The following E2F7 variants were observed in gnomAD, a reference collection of about 807,000 sequenced individuals.
E2F7 encodes E2F transcription factor 7.
Under a neutral mutation model 81.1 loss-of-function variants are expected in E2F7, and 35 were observed. That is an observed-to-expected ratio of 0.43 (90% CI 0.33 to 0.57). E2F7 has a LOEUF of 0.57. E2F7 is among the 20% of genes least tolerant of loss of function. The probability of loss-of-function intolerance (pLI) is 0.04; values close to 1 mark genes in which losing one functional copy is unlikely to be tolerated. For missense variants in E2F7, 961 were observed against 1,093.7 expected, an observed-to-expected ratio of 0.88 and a Z score of 1.71; for synonymous variants, 416 against 416.2, an observed-to-expected ratio of 1.00 and a Z score of 0.01.
Position 77,046,307 on chromosome 12 carries a change from T to C in E2F7, c.560A>G (p.Tyr187Cys). The change falls in exon 5 of 13, where the codon TAT (tyrosine) becomes TGT (cysteine). Residue 187 changes from tyrosine (Y) to cysteine (C), a missense_variant. This residue lies in a region of E2F7 where 301 missense variants were observed against 405.0 expected (regional missense o/e 0.74). Transcript: ENST00000322886. The stretch of plus-strand genomic sequence containing the variant: ...CGACTCCAGCACATTTACAATGTCA[T>C]AGATGCGTCTCCTTTCCACACCTGT... ...VSLGVERRRI[Y>C]DIVNVLESLH... 6.2e-7 allele frequency: 1 copy of C among 1,613,658 alleles called. No homozygotes were observed. The highest frequency in any genetic ancestry group is 8.5e-7 in the Non-Finnish European group (1 of 1,179,654).
intron 3 of E2F7, among the ~76,000 whole-genome samples, chr12:77,053,779 A>G (rs57583799): frequency 0.35 from 53,326 of 152,060 alleles, 9,565 homozygotes; most frequent in African/African-American, 0.42. Flanking sequence ...AAATGAACCT[A>G]AAGGATGTAT....
intron 3 of E2F7, among the ~76,000 whole-genome samples, chr12:77,053,825 A>G (rs1281767347): frequency 6.6e-6 from 1 of 152,198 alleles, no homozygotes; most frequent in African/African-American, 2.4e-5. Context: ...AAGACTATAA[A>G]TACAAATTCA....
rs770316520 is a variant in E2F7, at chr12:77,050,715, G to A, written c.399C>T (p.Asp133=). ...QLDVVGDSAV[D]EFEKQRPSRK... ...TGCTTGGCCTTTGCTTTTCAAATTCGTCCACAGCACTGTCCCCAACAACAT... is the reference window on the plus strand; with the variant it reads ...TGCTTGGCCTTTGCTTTTCAAATTCATCCACAGCACTGTCCCCAACAACAT... Residue 133 remains aspartate (D), a synonymous_variant, in exon 4 of 13, where the codon GAC becomes GAT. Coordinates refer to ENST00000322886, the MANE Select transcript of E2F7 (RefSeq NM_203394.3). The A allele has an allele frequency of 5.6e-6, 9 of 1,613,568 alleles. No homozygotes were observed. Among genetic ancestry groups the A allele is most frequent in the Non-Finnish European group, 7.6e-6 (9 of 1,179,850 alleles).
chr12:77,043,115 C>A lies in E2F7; in HGVS notation c.1073G>T (p.Gly358Val). The change falls in exon 7 of 13, where the codon GGT becomes GTT. Residue 358 changes from glycine (G) to valine (V), a missense_variant. Gly to Val is a moderately radical substitution (Grantham distance 109). This residue lies in a region of E2F7 where 301 missense variants were observed against 405.0 expected (regional missense o/e 0.74). Coordinates refer to ENST00000322886, the MANE Select transcript of E2F7 (RefSeq NM_203394.3). Reference sequence around the variant, plus strand: ...GATCCACTTGAAGGCTGGTTTACGACCTCGCTCTTCTGTTACATGCACTTT... The same window carrying A: ...GATCCACTTGAAGGCTGGTTTACGAACTCGCTCTTCTGTTACATGCACTTT... ...IKKVHVTEER[G>V]RKPAFKWIGP... 1 of 1,614,170 alleles carries A rather than the reference C, an allele frequency of 6.2e-7. No individual in the cohort carries two copies. The highest frequency in any genetic ancestry group is 8.5e-7 in the Non-Finnish European group (1 of 1,180,010).
In E2F7 at chr12:77,030,056, T is replaced by C; in HGVS notation, c.1659A>G (p.Ser553=). ...GCAGACTTCCATACAGCATGAACAG[T>C]GAGGCAGAGGGCACATACACTAGAG... ...GQPLVYVPSA[S]LFMLYGSLQE... is the part of the protein sequence containing the mutation. The change falls in exon 10 of 13, where the codon TCA becomes TCG. Residue 553 remains serine (S), a synonymous_variant. Transcript: ENST00000322886. 1 of 1,613,998 alleles carries C rather than the reference T, an allele frequency of 6.2e-7. No individual in the cohort carries two copies. The highest frequency in any genetic ancestry group is 2.2e-5 in the East Asian group (1 of 44,880).
chr12:77,055,370 T>TA (rs1158109219), intron 3 of E2F7, among the ~76,000 whole-genome samples: 340 of 150,112 alleles, frequency 2.3e-3, no homozygotes, highest in African/African-American at 7.4e-3. Flanking sequence ...TTTTTTTTTT[T>TA]AACGAAGTAT....
chr12:77,055,768 T>G, intron 3 of E2F7, 87 bp downstream of exon 3: 1 of 1,473,748 alleles, frequency 6.8e-7, no homozygotes, highest in Non-Finnish European at 9.0e-7. Context: ...CAATAGGAGC[T>G]GAAAAGTTGA....
chr12:77,043,239 GAC>G, intron 6 of E2F7, 40 bp from the exon 7 acceptor site: 1 of 1,611,154 alleles, frequency 6.2e-7, no homozygotes, highest in Non-Finnish European at 8.5e-7. Context: ...TGCTGCCTGT[GAC>G]ACCATGACAG....
Position 77,043,068 on chromosome 12 carries a change from T to C in E2F7, c.1120A>G (p.Ser374Gly), listed in dbSNP as rs1256539708. 2 of 1,614,062 alleles carry C rather than the reference T, an allele frequency of 1.2e-6. No individual in the cohort carries two copies. Among genetic ancestry groups the C allele is most frequent in the East Asian group, 2.2e-5 (1 of 44,876 alleles). Residue 374 changes from serine to glycine, a missense_variant, in exon 7 of 13, where the codon AGT becomes GGT. This residue lies in a region of E2F7 where 301 missense variants were observed against 405.0 expected (regional missense o/e 0.74). Coordinates refer to ENST00000322886, the MANE Select transcript of E2F7 (RefSeq NM_203394.3). ...TAGCAAAACCACGCCACCTTACCAC[T>C]TGAGCTGAAGTCCACAGGCCCGATC... ...KWIGPVDFSS[S>G]DEELVDVSAS...
At chr12:77,031,030 T>A (rs373482377) in intron 9 of E2F7, among the ~76,000 whole-genome samples, 6 of 152,352 alleles carry the variant, frequency 3.9e-5, no homozygotes, top group African/African-American at 1.4e-4. Context: ...TGCTCGGTGT[T>A]ATTAACAAAA....
chr12:77,024,736 T>A (rs188018399), intron 12 of E2F7, among the ~76,000 whole-genome samples: 209 of 152,328 alleles, frequency 1.4e-3, no homozygotes, highest in African/African-American at 4.9e-3. Flanking sequence ...CCTAGATCGG[T>A]GCCTGGCACA....
chr12:77,027,925 C>G lies in E2F7; in HGVS notation c.2098G>C (p.Glu700Gln). The G allele has an allele frequency of 6.2e-7, 1 of 1,614,200 alleles. No homozygotes were observed. Residue 700 changes from glutamate (E) to glutamine (Q), a missense_variant, in exon 11 of 13, where the codon GAG becomes CAG. Around this residue, in one of 3 missense-constraint regions of E2F7, gnomAD observed 587 missense variants for 620.3 expected, o/e 0.95. Transcript: ENST00000322886. ...KPSKENESTK[E>Q]PSLLQYLCVQ... ...CAAAGATATTGTAGCAAAGAAGGCTCTTTGGTGCTTTCATTTTCTTTTGAA... is the reference window on the plus strand; with the variant it reads ...CAAAGATATTGTAGCAAAGAAGGCTGTTTGGTGCTTTCATTTTCTTTTGAA...
intron 11 of E2F7, 142 bp from the exon 12 acceptor site, chr12:77,026,124 A>G (rs1954758117): frequency 2.1e-6 from 2 of 947,138 alleles, no homozygotes; most frequent in Admixed American, 2.9e-5. Flanking sequence ...TGACCAGGCC[A>G]AACAGCCCAC....
At chr12:77,047,906 A>G (rs17760520) in intron 4 of E2F7, among the ~76,000 whole-genome samples, 1 of 152,106 alleles carries the variant, frequency 6.6e-6, no homozygotes, top group Non-Finnish European at 1.5e-5. Context: ...ATAGCATTCT[A>G]TAAACCTTCC....
Position 77,025,541 on chromosome 12 carries a change from G to A in E2F7, c.2565+17C>T. The A allele has an allele frequency of 6.2e-7, 1 of 1,611,598 alleles. No individual in the cohort carries two copies. The highest frequency in any genetic ancestry group is 8.5e-7 in the Non-Finnish European group (1 of 1,178,088). On this transcript the variant is annotated intron_variant, in intron 12 of 12. Coordinates refer to ENST00000322886, the MANE Select transcript of E2F7 (RefSeq NM_203394.3). ...CTTCCCAGAGTGACAGTGTCTTCAGGAAACTTCAGGCCTCACCTGATGTAA... is the reference window on the plus strand; with the variant it reads ...CTTCCCAGAGTGACAGTGTCTTCAGAAAACTTCAGGCCTCACCTGATGTAA...
At chr12:77,042,456 T>C (rs1954901492) in intron 7 of E2F7, among the ~76,000 whole-genome samples, 1 of 152,242 alleles carries the variant, frequency 6.6e-6, no homozygotes, top group African/African-American at 2.4e-5. Context: ...AAATAGCTGG[T>C]GCAGTTGGAT....
In E2F7 at chr12:77,064,531, A is replaced by C; in HGVS notation, c.93+12T>G. 6.2e-7 allele frequency: 1 copy of C among 1,612,052 alleles called. No individual in the cohort carries two copies. Among genetic ancestry groups the C allele is most frequent in the Non-Finnish European group, 8.5e-7 (1 of 1,178,244 alleles). ...TAACATATTAGAAACTAAGGTGTTT[A>C]TGTTTGCTTACCTTTTGTGCATTTT... On this transcript the variant is annotated intron_variant, in intron 2 of 12. Coordinates refer to ENST00000322886, the MANE Select transcript of E2F7 (RefSeq NM_203394.3).
intron 11 of E2F7, 114 bp downstream of exon 11, chr12:77,027,769 G>T: frequency 7.1e-7 from 1 of 1,402,364 alleles, no homozygotes; most frequent in East Asian, 2.3e-5. Context: ...AGAGTAAAAT[G>T]ACTCAGGCAC....
chr12:77,029,859 T>C lies in E2F7; in HGVS notation c.1856A>G (p.Asp619Gly). ...ATKRQSREYE[D>G]GPLSLVMPKK... The stretch of plus-strand genomic sequence containing the variant: ...GGGCATGACAAGCGACAGCGGGCCG[T>C]CTTCATATTCCCTACTTTGCCTTTT... The change falls in exon 10 of 13, where the codon GAC (aspartate) becomes GGC (glycine). Residue 619 changes from aspartate to glycine, a missense_variant. Asp to Gly is a moderately conservative substitution (Grantham distance 94). Coordinates refer to ENST00000322886, the MANE Select transcript of E2F7 (RefSeq NM_203394.3). The C allele has an allele frequency of 2.5e-6, 4 of 1,614,204 alleles. No homozygotes were observed. Among genetic ancestry groups the C allele is most frequent in the Non-Finnish European group, 3.4e-6 (4 of 1,180,038 alleles).
Sources: allele counts gnomAD v4.1 joint callset (sites outside exome capture counted in the v4.1 genomes callset), GRCh38; gene constraint gnomAD v4.1.1; regional missense constraint gnomAD v4.1.1; transcripts MANE v1.5; gene names NCBI Gene and HGNC (gene_info 2026-07-23, HGNC 2026-07-21).